RMDN3: variants seen among roughly 807,000 people sequenced by gnomAD.
RMDN3 encodes regulator of microtubule dynamics 3, also known as regulator of microtubule dynamics protein 3.
A neutral mutation model predicts 61.8 loss-of-function variants in RMDN3; 41 were observed. The ratio of observed to expected loss-of-function variants is 0.66; its 90% confidence interval spans 0.52 to 0.86. RMDN3 has a LOEUF of 0.86. Among genes scored for constraint, RMDN3 ranks in the 40% least tolerant of loss-of-function variants. The probability of loss-of-function intolerance (pLI) is 0.00; values close to 1 mark genes in which losing one functional copy is unlikely to be tolerated. For synonymous variants in RMDN3, 247 were observed against 232.0 expected (o/e 1.06, Z -0.59); for missense variants, 557 against 585.3 (o/e 0.95, Z 0.50).
chr15:40,753,548 G>GA (rs1418087973), intron 2 of RMDN3, among the ~76,000 whole-genome samples: 4 of 151,580 alleles, frequency 2.6e-5, no homozygotes, highest in Admixed American at 2.0e-4. Flanking sequence ...GAAAAGAAAA[G>GA]AAAAAAAACA....
At chr15:40,754,555 A>G (rs773163131) in intron 2 of RMDN3, 42 bp downstream of exon 2, 12 of 1,565,288 alleles carry the variant, frequency 7.7e-6, no homozygotes, top group Admixed American at 1.8e-5. Context: ...CCTCAGGCCC[A>G]TTAGTCTGCA....
intron 5 of RMDN3, 49 bp downstream of exon 5, chr15:40,744,928 G>C (rs769188495): frequency 1.3e-6 from 2 of 1,528,770 alleles, no homozygotes; most frequent in Non-Finnish European, 1.8e-6. Context: ...GGAACAGAGA[G>C]ATGGAGGGAG....
intron 4 of RMDN3, among the ~76,000 whole-genome samples, chr15:40,748,587 AC>A (rs1897677136): frequency 6.6e-6 from 1 of 152,172 alleles, no homozygotes; most frequent in Non-Finnish European, 1.5e-5. Context: ...GCTCCCACTG[AC>A]CCCAGAAGTT....
chr15:40,754,813 G>GGAGCAGGCAGGC, intron 1 of RMDN3, 23 bp from the exon 2 acceptor site: 1 of 1,471,370 alleles, frequency 6.8e-7, no homozygotes, highest in Non-Finnish European at 9.1e-7. Context: ...GAAGTCACCG[G>GGAGCAGGCAGGC]GAGCAGGCAG....
Position 40,737,275 on chromosome 15 carries a change from C to T in RMDN3, c.1278+13G>A. 6.2e-7 allele frequency: 1 copy of T among 1,613,596 alleles called. No homozygotes were observed. Among genetic ancestry groups the T allele is most frequent in the Non-Finnish European group, 8.5e-7 (1 of 1,179,508 alleles). On this transcript the variant is annotated intron_variant, in intron 11 of 12. Transcript: ENST00000338376. ...GTTCCCAGATCTATGTTGAAGTAGA[C>T]AAATGAGTTTACCTTGGAAATATAT...
chr15:40,740,690 TCTG>T (rs1897246151), intron 6 of RMDN3, among the ~76,000 whole-genome samples: 1 of 152,080 alleles, frequency 6.6e-6, no homozygotes, highest in Non-Finnish European at 1.5e-5. Flanking sequence ...AGGGATGACT[TCTG>T]CTTCACCTTG....
chr15:40,744,891 A>AGAGAGATG, intron 5 of RMDN3, 86 bp downstream of exon 5: 1 of 1,397,078 alleles, frequency 7.2e-7, no homozygotes. Flanking sequence ...GGCAGTAACC[A>AGAGAGATG]CACGGGCCTT....
chr15:40,744,853 C>T, intron 5 of RMDN3, 124 bp downstream of exon 5: 1 of 1,072,474 alleles, frequency 9.3e-7, no homozygotes, highest in African/African-American at 1.6e-5. Context: ...GCTGTCTCAC[C>T]ATTTCTCGTC....
rs772178902 is a variant in RMDN3, at chr15:40,745,237, A to T, written c.547T>A (p.Ser183Thr). The T allele has an allele frequency of 9.3e-6, 15 of 1,613,334 alleles. No individual in the cohort carries two copies. The highest frequency in any genetic ancestry group is 1.3e-5 in the Non-Finnish European group (15 of 1,179,888). Residue 183 changes from serine to threonine, a missense_variant, in exon 5 of 13, where the codon TCT becomes ACT. Transcript: ENST00000338376. ...TTGTCAGAGTCCCGCTCATTGTCAGACTCCGCATTGGCTGTTGTGTAACTG... is the reference window on the plus strand; with the variant it reads ...TTGTCAGAGTCCCGCTCATTGTCAGTCTCCGCATTGGCTGTTGTGTAACTG... Reference protein sequence around the residue: ...EGGYTTANAESDNERDSDKES... With the variant: ...EGGYTTANAETDNERDSDKES...
chr15:40,737,260 CTA>C, intron 11 of RMDN3, 26 bp downstream of exon 11: 12 of 1,612,740 alleles, frequency 7.4e-6, no homozygotes, highest in Non-Finnish European at 9.3e-6. Flanking sequence ...GTTCCCAGAT[CTA>C]TGTTGAAGTA....
intron 7 of RMDN3, chr15:40,738,866 C>T (rs1042216616): frequency 1.2e-5 from 5 of 431,668 alleles, no homozygotes; most frequent in African/African-American, 6.0e-5. Context: ...CTCTCCTACA[C>T]TCATAAGGAG....
At chr15:40,740,312 T>A in intron 6 of RMDN3, 119 bp from the exon 7 acceptor site, 1 of 733,224 alleles carries the variant, frequency 1.4e-6, no homozygotes, top group Non-Finnish European at 2.4e-6. Context: ...TGGACTTGTT[T>A]GGAAATAGTT....
intron 4 of RMDN3, among the ~76,000 whole-genome samples, chr15:40,749,477 G>A (rs1897720525): frequency 6.6e-6 from 1 of 152,216 alleles, no homozygotes; most frequent in Non-Finnish European, 1.5e-5. Context: ...ATGGCACCAT[G>A]GAACTCCAGC....
chr15:40,736,494 C>T lies in RMDN3; in HGVS notation c.*47G>A, dbSNP rs11856571. 1.3e-6 allele frequency: 2 copies of T among 1,579,518 alleles called. No individual in the cohort carries two copies. Among genetic ancestry groups the T allele is most frequent in the African/African-American group, 1.3e-5 (1 of 74,174 alleles). ...CTAAGGAAAAAAGCCTCCCCGCCCC[C>T]CCACCTTAAATAGTGGCATCAAGTC... On this transcript the variant is annotated 3_prime_UTR_variant, in exon 13 of 13. Transcript: ENST00000338376.
chr15:40,745,490 C>G (rs1225684055), intron 4 of RMDN3, among the ~76,000 whole-genome samples: 1 of 149,210 alleles, frequency 6.7e-6, no homozygotes. Flanking sequence ...TTGGCTCACT[C>G]AAACCTCCAC....
At chr15:40,741,043 C>T (rs1223609802) in intron 6 of RMDN3, among the ~76,000 whole-genome samples, 1 of 151,730 alleles carries the variant, frequency 6.6e-6, no homozygotes, top group Admixed American at 6.6e-5. Context: ...AAGATTGCAC[C>T]ACTGCACTCC....
rs370685513 is a variant in RMDN3 at position 40,742,626 on chromosome 15, G to A, written c.910+1421C>T. Among the ~76,000 whole-genome samples, 6 of 152,282 alleles carry A rather than the reference G, an allele frequency of 3.9e-5. No individual in the cohort carries two copies. The East Asian group carries it at 9.6e-4, about 24-fold the overall frequency. On this transcript the variant is annotated intron_variant, in intron 6 of 12. Coordinates refer to ENST00000338376, the MANE Select transcript of RMDN3 (RefSeq NM_018145.3). ...ATAATTCTTAAAGGCTGTGATCTCA[G>A]AGCAGAACCTTCAAAGACATTCCAT...
intron 10 of RMDN3, 123 bp downstream of exon 10, chr15:40,737,505 G>T (rs1000138261): frequency 3.5e-6 from 4 of 1,135,650 alleles, no homozygotes; most frequent in South Asian, 2.6e-5. Context: ...TTTTCCCATA[G>T]AACAGGCAAA....
chr15:40,749,314 G>T (rs1897712145), intron 4 of RMDN3, among the ~76,000 whole-genome samples: 2 of 152,212 alleles, frequency 1.3e-5, no homozygotes, highest in Non-Finnish European at 2.9e-5. Flanking sequence ...AAGAGTTCAA[G>T]AACAGGCTGG....
Sources: gnomAD v4.1 joint callset for allele counts (sites outside exome capture counted in the v4.1 genomes callset) on GRCh38, gnomAD v4.1.1 for gene constraint, MANE v1.5 for transcripts, NCBI Gene and HGNC (gene_info 2026-07-23, HGNC 2026-07-21) for gene names.